The following GPHN variants were observed in gnomAD, a reference collection of about 807,000 sequenced individuals.
GPHN encodes gephyrin.
In GPHN, 17 loss-of-function variants were observed where a neutral mutation model predicts 95.5. The observed-to-expected ratio is 0.18, with a 90% CI of 0.12 to 0.27. The LOEUF (loss-of-function observed/expected upper bound fraction) is 0.27. Ranked by LOEUF, GPHN falls within the 10% of genes least tolerant of loss-of-function variation. GPHN has a pLI of 1.00. For missense variants in GPHN, 660 were observed against 978.1 expected, an observed-to-expected ratio of 0.67 and a Z score of 4.34; for synonymous variants, 320 against 322.5, an observed-to-expected ratio of 0.99 and a Z score of 0.08.
At chr14:66,612,450 A>G (rs183306379) in intron 1 of GPHN, among the ~76,000 whole-genome samples, 98 of 152,170 alleles carry the variant, frequency 6.4e-4, no homozygotes, top group South Asian at 4.1e-4. Context: ...AAATAAACAC[A>G]ATGAAGTTTA....
intron 18 of GPHN, among the ~76,000 whole-genome samples, chr14:67,150,235 G>T (rs1444336742): frequency 4.6e-5 from 7 of 151,668 alleles, no homozygotes; most frequent in Admixed American, 4.6e-4. Context: ...GAGATCAGGA[G>T]ATCGAGACCA....
the GPHN span, among the ~76,000 whole-genome samples, chr14:67,339,896 T>C: frequency 6.6e-6 from 1 of 152,050 alleles, no homozygotes; most frequent in South Asian, 2.1e-4. Flanking sequence ...GTCAGGAGTT[T>C]TGAGACCAGC....
At chr14:67,163,924 G>GA (rs2082111282) in intron 19 of GPHN, among the ~76,000 whole-genome samples, 1 of 151,796 alleles carries the variant, frequency 6.6e-6, no homozygotes, top group Admixed American at 6.6e-5. Flanking sequence ...CCTATGATAA[G>GA]AGTTCATGTC....
the GPHN span, among the ~76,000 whole-genome samples, chr14:67,249,203 T>G: frequency 8.7e-5 from 13 of 150,150 alleles, no homozygotes; most frequent in Admixed American, 4.0e-4. Flanking sequence ...CTCAGGTGAT[T>G]TGCACGTCTC....
the GPHN span, chr14:67,533,766 G>A: frequency 1.3e-5 from 2 of 152,250 alleles, no homozygotes; most frequent in African/African-American, 4.8e-5. Context: ...TCTCACCTCA[G>A]GTTATTTCTT....
the GPHN span, among the ~76,000 whole-genome samples, chr14:67,641,243 A>C: frequency 1.3e-5 from 2 of 152,276 alleles, no homozygotes; most frequent in East Asian, 3.9e-4. Flanking sequence ...ATGAAACACA[A>C]GTTTTGTGTT....
At chr14:67,180,309 G>C (rs920031016) in intron 22 of GPHN, among the ~76,000 whole-genome samples, 3 of 152,162 alleles carry the variant, frequency 2.0e-5, no homozygotes, top group South Asian at 4.1e-4. Flanking sequence ...TGCCATCAGA[G>C]AGAACTGCAT....
At position 66,965,271 on chromosome 14, in the gene GPHN, G is replaced by T; in HGVS notation, c.909G>T (p.Ser303=). The change falls in exon 9 of 23, where the codon TCG becomes TCT. Residue 303 remains serine, a synonymous_variant. Coordinates refer to ENST00000478722, the MANE Select transcript of GPHN (RefSeq NM_020806.5). ...TASLSTTPSE[S]PRAQATSRLS... ...CCCTCAGCACTACTCCTTCAGAATC[G>T]CCTCGTGCTCAGGCTACATCTCGCC... 6.2e-7 allele frequency: 1 copy of T among 1,613,074 alleles called. No individual in the cohort carries two copies. Among genetic ancestry groups the T allele is most frequent in the Non-Finnish European group, 8.5e-7 (1 of 1,179,372 alleles).
At chr14:67,572,371 A>G in the GPHN span, 2 of 623,960 alleles carry the variant, frequency 3.2e-6, no homozygotes, top group East Asian at 5.8e-5. Context: ...AGCTGCCTGA[A>G]GTGAGGGGTC....
chr14:66,576,370 GA>G (rs1231250075), intron 1 of GPHN, among the ~76,000 whole-genome samples: 2 of 151,822 alleles, frequency 1.3e-5, no homozygotes, highest in Non-Finnish European at 2.9e-5. Flanking sequence ...TTTCAAGAGG[GA>G]AAGAGTATGG....
At chr14:67,623,534 C>CTTTTTT in the GPHN span, among the ~76,000 whole-genome samples, 24 of 82,948 alleles carry the variant, frequency 2.9e-4, no homozygotes, top group African/African-American at 1.0e-3. Context: ...CTCAGGTAAC[C>CTTTTTT]TTTTTTTTTT....
chr14:67,453,570 A>G, the GPHN span, among the ~76,000 whole-genome samples: 1 of 152,188 alleles, frequency 6.6e-6, no homozygotes, highest in Non-Finnish European at 1.5e-5. Flanking sequence ...TTTTGCCCCC[A>G]AAAGATGCTG....
the GPHN span, among the ~76,000 whole-genome samples, chr14:67,538,117 G>GA: frequency 6.6e-5 from 10 of 151,536 alleles, no homozygotes; most frequent in East Asian, 5.8e-4. Flanking sequence ...AATAAAAATA[G>GA]AAAAAAAAAT....
the GPHN span, among the ~76,000 whole-genome samples, chr14:67,722,255 T>C: frequency 3.3e-5 from 5 of 152,202 alleles, no homozygotes; most frequent in African/African-American, 9.7e-5. Context: ...ATATTCTATA[T>C]ATTCCATCTT....
At chr14:67,302,518 A>C in the GPHN span, 1 of 1,591,474 alleles carries the variant, frequency 6.3e-7, no homozygotes, top group Non-Finnish European at 8.5e-7. Context: ...AGTTCTAGAG[A>C]TTAATGGCAT....
At chr14:67,196,223 C>CTTTTTTTTTTTTTTTTTTTTTTTTTTT in the GPHN span, among the ~76,000 whole-genome samples, 1 of 143,118 alleles carries the variant, frequency 7.0e-6, no homozygotes, top group Non-Finnish European at 1.5e-5. Context: ...TTCTTTCTTT[C>CTTTTTTTTTTTTTTTTTTTTTTTTTTT]TTTTTTTTTT....
chr14:67,473,950 G>T, the GPHN span: 10 of 1,577,154 alleles, frequency 6.3e-6, no homozygotes, highest in South Asian at 1.1e-4. This position sits in a 1 kb window ranked among gnomAD's most constrained non-coding sequence, Gnocchi z 6.5. Flanking sequence ...GGCTGCGGGG[G>T]GCGCAAGAGA....
the GPHN span, among the ~76,000 whole-genome samples, chr14:67,627,521 A>C: frequency 6.6e-6 from 1 of 152,246 alleles, no homozygotes; most frequent in African/African-American, 2.4e-5. Flanking sequence ...ACAGTGTCAT[A>C]TCTTTGGGAC....
chr14:67,009,341 C>T (rs2072825132), intron 9 of GPHN, among the ~76,000 whole-genome samples: 1 of 152,034 alleles, frequency 6.6e-6, no homozygotes, highest in Non-Finnish European at 1.5e-5. Context: ...GCAAGTAGCT[C>T]ACAGGAATAT....
Sources: gnomAD v4.1 joint callset for allele counts (sites outside exome capture counted in the v4.1 genomes callset) on GRCh38, gnomAD v4.1.1 for gene constraint, Gnocchi (gnomAD v3.1) non-coding constraint, MANE v1.5 for transcripts, NCBI Gene and HGNC (gene_info 2026-07-23, HGNC 2026-07-21) for gene names.